The following NME9 variants were observed in gnomAD, a reference collection of about 807,000 sequenced individuals.
NME9 encodes NME/NM23 family member 9.
In NME9, 48 loss-of-function variants were observed where a neutral mutation model predicts 44.4. The ratio of observed to expected loss-of-function variants is 1.08; its 90% CI spans 0.86 to 1.37. The LOEUF is 1.37. Ranked by LOEUF, NME9 falls within the 40% of genes most tolerant of loss-of-function variation. The pLI, the probability that NME9 is intolerant of heterozygous loss-of-function variation, is 0.00. For missense variants in NME9, 325 were observed against 405.2 expected (o/e 0.80, Z 1.70); for synonymous variants, 139 against 147.1 (o/e 0.94, Z 0.40).
chr3:138,282,108 C>A (rs936708160), intron 8 of NME9, among the ~76,000 whole-genome samples: 4 of 152,224 alleles, frequency 2.6e-5, no homozygotes, highest in Non-Finnish European at 5.9e-5. Flanking sequence ...GCCTCACCCT[C>A]TGCATTTTGG....
At chr3:138,273,248 A>C in intron 8 of NME9, 1 of 1,005,858 alleles carries the variant, frequency 9.9e-7, no homozygotes, top group Non-Finnish European at 1.4e-6. Context: ...CCAAAGAAAC[A>C]AGGAGTTGAT....
chr3:138,314,974 G>A (rs1002659330), intron 5 of NME9, among the ~76,000 whole-genome samples: 2 of 152,206 alleles, frequency 1.3e-5, no homozygotes, highest in Non-Finnish European at 2.9e-5. Context: ...TCTACCTACG[G>A]TATGTTGATT....
intron 8 of NME9, among the ~76,000 whole-genome samples, chr3:138,274,825 G>A (rs1415568422): frequency 6.6e-6 from 1 of 152,104 alleles, no homozygotes; most frequent in Non-Finnish European, 1.5e-5. Flanking sequence ...CATCATCCTG[G>A]AATGAATCCT....
intron 6 of NME9, among the ~76,000 whole-genome samples, chr3:138,311,024 A>G (rs2052665480): frequency 6.6e-6 from 1 of 152,184 alleles, no homozygotes; most frequent in Admixed American, 6.5e-5. Flanking sequence ...TAAGAAAAAG[A>G]GATGACCCAA....
At chr3:138,270,975 A>G (rs1483241740) in intron 8 of NME9, among the ~76,000 whole-genome samples, 2 of 152,164 alleles carry the variant, frequency 1.3e-5, no homozygotes, top group Admixed American at 6.5e-5. Flanking sequence ...ATATATTGGT[A>G]TATATTCACT....
intron 8 of NME9, among the ~76,000 whole-genome samples, chr3:138,276,621 A>G (rs2049321913): frequency 6.6e-6 from 1 of 152,220 alleles, no homozygotes; most frequent in Admixed American, 6.5e-5. Flanking sequence ...GTATTTTTAT[A>G]TACTAGCAGT....
chr3:138,304,758 G>T, intron 9 of NME9, 115 bp downstream of exon 9: 1 of 996,414 alleles, frequency 1.0e-6, no homozygotes. Flanking sequence ...AGAGAGCCTG[G>T]CCATCAGAGA....
rs751756269 is a variant in NME9 at position 138,314,378 on chromosome 3, A to G, written c.414T>C (p.Asp138=). 3 of 1,609,548 alleles carry G rather than the reference A, an allele frequency of 1.9e-6. No individual in the cohort carries two copies. The highest frequency in any genetic ancestry group is 2.2e-5 in the East Asian group (1 of 44,732). The change falls in exon 6 of 11, where the codon GAT becomes GAC. Residue 138 remains aspartate, a synonymous_variant. Transcript: ENST00000333911. The part of the protein sequence containing the change: ...VIKDEALSDE[D]ECVSHGKNNG... ...TATTCTTTCCATGGGAAACACATTC[A>G]TCTTCATCAGAAAGAGCCTCATCTT...
chr3:138,299,569 C>G (rs1330829381), downstream of NME9, among the ~76,000 whole-genome samples: 1 of 152,202 alleles, frequency 6.6e-6, no homozygotes, highest in East Asian at 1.9e-4. Context: ...CCCCATTCCC[C>G]TGTTCCTTAT....
At chr3:138,292,286 C>A (rs542439710) in intron 8 of NME9, among the ~76,000 whole-genome samples, 1 of 152,216 alleles carries the variant, frequency 6.6e-6, no homozygotes, top group East Asian at 1.9e-4. Flanking sequence ...ATCATCCACC[C>A]ACCTCGGCTT....
chr3:138,303,260 T>C (rs112881878), intron 10 of NME9: 9 of 385,128 alleles, frequency 2.3e-5, no homozygotes, highest in African/African-American at 1.2e-4. Context: ...AACAAAAATA[T>C]GACTCCAAGA....
chr3:138,295,505 G>C (rs2051400062), intron 8 of NME9, among the ~76,000 whole-genome samples: 1 of 152,178 alleles, frequency 6.6e-6, no homozygotes, highest in African/African-American at 2.4e-5. Flanking sequence ...CTACATGGCA[G>C]TAAGAAAAAG....
intron 8 of NME9, among the ~76,000 whole-genome samples, chr3:138,277,618 A>T (rs76934264): frequency 6.6e-6 from 1 of 152,246 alleles, no homozygotes; most frequent in African/African-American, 2.4e-5. Flanking sequence ...ATCACTATGC[A>T]TCTTTTAGAA....
chr3:138,286,104 G>A lies in NME9; in HGVS notation c.745+17403C>T, dbSNP rs1022810838. Among the ~76,000 whole-genome samples the A allele has an allele frequency of 8.6e-5, 13 of 151,948 alleles. 1 individual carries two copies. The highest frequency in any genetic ancestry group is 2.9e-4 in the African/African-American group (12 of 41,364). On this transcript the variant is annotated intron_variant, in intron 8 of 8. Transcript: ENST00000317876. ...GATTACAGGCGCGGCACTATTGCCCGGCTAATTTTTGTATTTTTAGAAGAG... is the reference window on the plus strand; with the variant it reads ...GATTACAGGCGCGGCACTATTGCCCAGCTAATTTTTGTATTTTTAGAAGAG...
At chr3:138,312,176 T>TA (rs1259738112) in intron 6 of NME9, among the ~76,000 whole-genome samples, 1 of 152,122 alleles carries the variant, frequency 6.6e-6, no homozygotes, top group Non-Finnish European at 1.5e-5. Context: ...TTAATATTGT[T>TA]AAAATGTTAA....
intron 8 of NME9, chr3:138,272,898 T>G: frequency 8.0e-7 from 1 of 1,254,748 alleles, no homozygotes; most frequent in Non-Finnish European, 1.0e-6. Context: ...ATTACCAGAG[T>G]TACTATTAAA....
At chr3:138,319,298 T>C (rs990433030) in intron 3 of NME9, among the ~76,000 whole-genome samples, 180 bp downstream of exon 3, 4 of 152,124 alleles carry the variant, frequency 2.6e-5, no homozygotes, top group African/African-American at 9.7e-5. Flanking sequence ...GGGTGGGGAA[T>C]AGGAACCTTC....
At chr3:138,304,771 C>G in intron 9 of NME9, 102 bp downstream of exon 9, 1 of 1,133,924 alleles carries the variant, frequency 8.8e-7, no homozygotes, top group South Asian at 1.4e-5. Context: ...ATCAGAGAGT[C>G]CTCTGTGTTA....
At chr3:138,321,948 G>C (rs2053489918) in intron 2 of NME9, among the ~76,000 whole-genome samples, 1 of 151,034 alleles carries the variant, frequency 6.6e-6, no homozygotes, top group Non-Finnish European at 1.5e-5. Flanking sequence ...TGATCACAAA[G>C]GCAACCAGAC....
Sources: gnomAD v4.1 joint callset for allele counts (sites outside exome capture counted in the v4.1 genomes callset) on GRCh38, gnomAD v4.1.1 for gene constraint, MANE v1.5 for transcripts, NCBI Gene and HGNC (gene_info 2026-07-23, HGNC 2026-07-21) for gene names.